The following SS18 variants were observed in gnomAD, a reference collection of about 807,000 sequenced individuals.
The protein encoded by SS18 is SS18 subunit of BAF chromatin remodeling complex.
Under a neutral mutation model 72.5 loss-of-function variants are expected in SS18, and 28 were observed. That is an observed-to-expected ratio of 0.39 (90% CI 0.29 to 0.53). The LOEUF (loss-of-function observed/expected upper bound fraction) is 0.53. Among genes scored for constraint, SS18 ranks in the 20% least tolerant of loss-of-function variants. The pLI is 0.76. For synonymous variants in SS18, 172 were observed against 164.2 expected (o/e 1.05, Z -0.37); for missense variants, 518 against 535.3 (o/e 0.97, Z 0.32).
At chr18:26,056,222 T>C (rs1472636663) in intron 4 of SS18, among the ~76,000 whole-genome samples, 2 of 152,238 alleles carry the variant, frequency 1.3e-5, no homozygotes, top group African/African-American at 4.8e-5. Flanking sequence ...AAATGCTTCT[T>C]TGGCCTTAGG....
At position 26,016,422 on chromosome 18, in the gene SS18, G is replaced by C. The variant is rs1281713217; in HGVS notation, c.*1932C>G. The stretch of plus-strand genomic sequence containing the variant: ...ATGTCCATTTTCTACTGATCAAGTT[G>C]AAAGAAAAAACCTATTCTGGCCAGG... On this transcript the variant is annotated 3_prime_UTR_variant, in exon 11 of 11. Transcript: ENST00000415083. 1.1e-5 allele frequency: 2 copies of C among 182,412 alleles called. No homozygotes were observed. Among genetic ancestry groups the C allele is most frequent in the East Asian group, 1.8e-4 (2 of 11,120 alleles). The allele number at this position is 182,412 out of a possible 1,614,324, so 11.3% of individuals were successfully genotyped here.
intron 10 of SS18, among the ~76,000 whole-genome samples, chr18:26,018,690 G>A (rs919022026): frequency 5.9e-5 from 9 of 152,220 alleles, no homozygotes; most frequent in African/African-American, 2.2e-4. Context: ...CAGGCATTGA[G>A]TGAGAAGTTC....
At chr18:26,080,336 T>C in intron 2 of SS18, 2 of 985,416 alleles carry the variant, frequency 2.0e-6, no homozygotes, top group Non-Finnish European at 2.4e-6. Flanking sequence ...AGTTTTCCTT[T>C]GCTTGAGTAT....
intron 10 of SS18, 115 bp from the exon 11 acceptor site, chr18:26,018,495 C>T (rs569154205): frequency 4.1e-6 from 3 of 727,746 alleles, no homozygotes; most frequent in African/African-American, 3.6e-5. Context: ...GCCGTACCTA[C>T]AATAAACAAA....
rs2054638516 is a variant in SS18, at chr18:26,087,593, A to G, written c.70-16T>C. The G allele has an allele frequency of 6.7e-7, 1 of 1,492,242 alleles. No individual in the cohort carries two copies. The highest frequency in any genetic ancestry group is 9.2e-7 in the Non-Finnish European group (1 of 1,083,642). The allele number at this position is 1,492,242 out of a possible 1,614,324, so 92.4% of individuals were successfully genotyped here. On this transcript the variant is annotated splice_polypyrimidine_tract_variant and intron_variant, in intron 1 of 10. Transcript: ENST00000415083. ...CATCCAACATCTGAAACAGAATTAG[A>G]AAAGGTTTAGCATAAAACTAGTGCA... is the stretch of plus-strand genomic sequence containing the variant.
At chr18:26,029,510 T>C (rs189345373) in intron 10 of SS18, among the ~76,000 whole-genome samples, 281 of 152,292 alleles carry the variant, frequency 1.8e-3, no homozygotes, top group Middle Eastern at 0.014. Context: ...ATATTAGATA[T>C]ATTTTGAAGG....
chr18:26,039,529 T>G, intron 5 of SS18, 73 bp from the exon 6 acceptor site: 1 of 1,379,246 alleles, frequency 7.3e-7, no homozygotes. Context: ...AATAAGATAA[T>G]CTTTTATCAT....
At chr18:26,078,226 A>G in intron 2 of SS18, 66 bp from the exon 3 acceptor site, 2 of 1,118,652 alleles carry the variant, frequency 1.8e-6, no homozygotes, top group South Asian at 2.8e-5. Flanking sequence ...AAGTACAAAC[A>G]GCACTATAAT....
upstream of SS18, chr18:26,090,664 G>T: frequency 2.3e-6 from 3 of 1,294,158 alleles, no homozygotes; most frequent in Non-Finnish European, 3.2e-6. Context: ...AACCACCTCG[G>T]GAATGCGGGG....
At chr18:26,043,785 C>T (rs1184743397) in intron 5 of SS18, among the ~76,000 whole-genome samples, 3 of 152,048 alleles carry the variant, frequency 2.0e-5, no homozygotes, top group African/African-American at 7.2e-5. Flanking sequence ...GCTGAGTTTC[C>T]AGCAACCAAT....
At chr18:26,085,532 T>C (rs1410838218) in intron 2 of SS18, among the ~76,000 whole-genome samples, 2 of 152,192 alleles carry the variant, frequency 1.3e-5, no homozygotes, top group Non-Finnish European at 2.9e-5. Context: ...AGTAATTCCA[T>C]TTCTAAAACT....
At chr18:26,019,687 T>G (rs2053311188) in intron 10 of SS18, among the ~76,000 whole-genome samples, 1 of 149,368 alleles carries the variant, frequency 6.7e-6, no homozygotes, top group African/African-American at 2.5e-5. Flanking sequence ...GGCGCACATC[T>G]GTAATCCCAG....
At chr18:26,032,257 A>G (rs2053556362) in intron 10 of SS18, 142 bp downstream of exon 10, 2 of 947,830 alleles carry the variant, frequency 2.1e-6, no homozygotes, top group South Asian at 3.6e-5. Flanking sequence ...AAAGTGATAC[A>G]CTTTTTGTTA....
intron 10 of SS18, among the ~76,000 whole-genome samples, chr18:26,030,686 A>G (rs142556119): frequency 1.3e-5 from 2 of 152,176 alleles, no homozygotes; most frequent in Non-Finnish European, 2.9e-5. Flanking sequence ...AGGGAATCCA[A>G]AGACAAGAGA....
chr18:26,064,570 T>A (rs1004168866), intron 3 of SS18, among the ~76,000 whole-genome samples: 6 of 152,098 alleles, frequency 3.9e-5, no homozygotes, highest in Non-Finnish European at 7.4e-5. Context: ...ATTCAATACC[T>A]ACTCACAATA....
chr18:26,080,289 A>T, intron 2 of SS18: 1 of 971,370 alleles, frequency 1.0e-6, no homozygotes, highest in Non-Finnish European at 1.2e-6. Context: ...AGCCATTTTT[A>T]ATTAGAACAC....
intron 5 of SS18, among the ~76,000 whole-genome samples, chr18:26,047,653 A>G (rs1483166906): frequency 1.3e-5 from 2 of 152,126 alleles, no homozygotes; most frequent in African/African-American, 4.8e-5. Flanking sequence ...CATCCTGGCT[A>G]ACACGGTGAA....
chr18:26,030,881 G>A (rs191634794), intron 10 of SS18, among the ~76,000 whole-genome samples: 52 of 152,128 alleles, frequency 3.4e-4, no homozygotes, highest in African/African-American at 1.2e-3. Context: ...ATGTAAACGC[G>A]AGAGGAACAA....
chr18:26,028,406 G>C (rs866782605), intron 10 of SS18, among the ~76,000 whole-genome samples: 1 of 152,164 alleles, frequency 6.6e-6, no homozygotes, highest in African/African-American at 2.4e-5. Context: ...AAAACATTCT[G>C]GCAGTTTGTT....
Sources: gnomAD v4.1 joint callset for allele counts (sites outside exome capture counted in the v4.1 genomes callset) on GRCh38, gnomAD v4.1.1 for gene constraint, MANE v1.5 for transcripts, NCBI Gene and HGNC (gene_info 2026-07-23, HGNC 2026-07-21) for gene names.